IFFO2: variants seen among roughly 807,000 people sequenced by gnomAD.
IFFO2 encodes the protein intermediate filament family orphan 2.
Under a neutral mutation model 53.5 loss-of-function variants are expected in IFFO2, and 19 were observed. The observed-to-expected ratio is 0.36, with a 90% CI of 0.25 to 0.52. IFFO2 has a LOEUF of 0.52. IFFO2 is among the 20% of genes least tolerant of loss of function. IFFO2 has a pLI of 0.94. For synonymous variants in IFFO2, 303 were observed against 313.6 expected, an observed-to-expected ratio of 0.97 and a Z score of 0.36; for missense variants, 570 against 727.4, an observed-to-expected ratio of 0.78 and a Z score of 2.49.
intron 1 of IFFO2, among the ~76,000 whole-genome samples, chr1:18,950,277 G>A (rs1936643988): frequency 6.6e-6 from 1 of 152,220 alleles, no homozygotes; most frequent in Non-Finnish European, 1.5e-5. Context: ...GACATGCCCT[G>A]AAATGGACTT....
intron 1 of IFFO2, among the ~76,000 whole-genome samples, chr1:18,940,458 C>T (rs1446098854): frequency 6.6e-6 from 1 of 152,204 alleles, no homozygotes; most frequent in Non-Finnish European, 1.5e-5. Flanking sequence ...TCCCCAGATT[C>T]TGCAAGCTCC....
chr1:18,940,507 G>T (rs556093689), intron 1 of IFFO2, among the ~76,000 whole-genome samples: 15 of 152,256 alleles, frequency 9.9e-5, no homozygotes, highest in African/African-American at 3.6e-4. Flanking sequence ...CAAGCATAGG[G>T]ACTGAGCACC....
chr1:18,910,058 G>A lies in IFFO2; in HGVS notation c.1448+284C>T, dbSNP rs77315012. ...CTTGAGGGCAGGGGCTATACTTACT[G>A]GCCCCACCGTCTTGCACAGAGCAGG... On this transcript the variant is annotated intron_variant, in intron 8 of 8. Coordinates refer to ENST00000455833, the MANE Select transcript of IFFO2 (RefSeq NM_001136265.2). 9.5e-3 allele frequency among the ~76,000 whole-genome samples: 1,449 copies of A among 152,288 alleles called. 25 individuals are homozygous for A. Among genetic ancestry groups the A allele is most frequent in the East Asian group, 0.063 (328 of 5,186 alleles).
Position 18,941,189 on chromosome 1 carries a change from A to G in IFFO2, c.665+14479T>C, listed in dbSNP as rs143990029. Among the ~76,000 whole-genome samples, 917 of 152,328 alleles carry G rather than the reference A, an allele frequency of 6.0e-3. 10 individuals are homozygous for G. Among genetic ancestry groups the G allele is most frequent in the African/African-American group, 0.021 (870 of 41,586 alleles). On this transcript the variant is annotated intron_variant, in intron 1 of 8. Coordinates refer to ENST00000455833, the MANE Select transcript of IFFO2 (RefSeq NM_001136265.2). ...AGAACACATGTGTGCGGCTTCAAACACTGCAGTGGGCATACAGAGTGCTCT... is the reference window on the plus strand; with the variant it reads ...AGAACACATGTGTGCGGCTTCAAACGCTGCAGTGGGCATACAGAGTGCTCT...
At chr1:18,955,382 TA>T (rs1398049446) in intron 1 of IFFO2, among the ~76,000 whole-genome samples, 8 of 152,292 alleles carry the variant, frequency 5.3e-5, no homozygotes, top group Admixed American at 2.6e-4. Context: ...TGCTGAGAAT[TA>T]AATGAGATCG....
intron 2 of IFFO2, 129 bp downstream of exon 2, chr1:18,920,932 G>A (rs1168136105): frequency 4.0e-6 from 3 of 741,042 alleles, no homozygotes; most frequent in Non-Finnish European, 7.1e-6. Flanking sequence ...AGGAGAGACT[G>A]AGGTGGTAGG....
chr1:18,933,417 C>T (rs976656608), intron 1 of IFFO2, among the ~76,000 whole-genome samples: 9 of 152,206 alleles, frequency 5.9e-5, no homozygotes, highest in African/African-American at 2.2e-4. Context: ...CCTTCAGCAG[C>T]GACGTGGGTG....
At position 18,910,896 on chromosome 1, in the gene IFFO2, A is replaced by G. The variant is rs16862359; in HGVS notation, c.1318-424T>C. 9.5e-3 allele frequency among the ~76,000 whole-genome samples: 1,451 copies of G among 152,352 alleles called. 25 individuals carry two copies. Among genetic ancestry groups the G allele is most frequent in the East Asian group, 0.064 (329 of 5,174 alleles). On this transcript the variant is annotated intron_variant, in intron 7 of 8. Transcript: ENST00000455833. Reference sequence around the variant, plus strand: ...TTTCTCCTGCATAATAGCAATGACTATCGTTTATAGAAGTGATCACATGCA... The same window carrying G: ...TTTCTCCTGCATAATAGCAATGACTGTCGTTTATAGAAGTGATCACATGCA...
intron 1 of IFFO2, among the ~76,000 whole-genome samples, chr1:18,942,630 G>C (rs1404047328): frequency 6.6e-6 from 1 of 152,188 alleles, no homozygotes; most frequent in Non-Finnish European, 1.5e-5. Context: ...CGGGCCAACA[G>C]GAAACATGAA....
intron 1 of IFFO2, among the ~76,000 whole-genome samples, chr1:18,925,682 G>A (rs1936273211): frequency 6.6e-6 from 1 of 152,250 alleles, no homozygotes; most frequent in African/African-American, 2.4e-5. Flanking sequence ...TCATTCCTGT[G>A]CTTGCTACTG....
Position 18,916,872 on chromosome 1 carries a change from CGG to C in IFFO2, c.1103+29_1103+30del. ...CCCCTGTGCAAGCAATCCGGGGAAA[CGG>C]AGAGTGTGCGGGCCACGGGGATACT... On this transcript the variant is annotated intron_variant, in intron 5 of 8. Transcript: ENST00000455833. The surrounding 1 kb of genome is among the most constrained non-coding windows in gnomAD (Gnocchi z 4.3). 4 of 1,550,056 alleles carry C rather than the reference CGG, an allele frequency of 2.6e-6. No individual in the cohort carries two copies. Among genetic ancestry groups the C allele is most frequent in the Non-Finnish European group, 3.5e-6 (4 of 1,145,848 alleles).
At chr1:18,941,563 C>T (rs1162683834) in intron 1 of IFFO2, among the ~76,000 whole-genome samples, 1 of 152,238 alleles carries the variant, frequency 6.6e-6, no homozygotes, top group Non-Finnish European at 1.5e-5. Flanking sequence ...CTACCCATCG[C>T]CTACAGGGGC....
intron 5 of IFFO2, among the ~76,000 whole-genome samples, chr1:18,913,793 T>C (rs1181709678): frequency 6.6e-6 from 1 of 150,852 alleles, no homozygotes; most frequent in Non-Finnish European, 1.5e-5. Context: ...ATCAAAGTGA[T>C]CAGAGGTTTC....
At chr1:18,910,734 C>T (rs1300647532) in intron 7 of IFFO2, among the ~76,000 whole-genome samples, 1 of 152,222 alleles carries the variant, frequency 6.6e-6, no homozygotes, top group Non-Finnish European at 1.5e-5. Context: ...TGATGCACCC[C>T]ACCCGGTTCT....
rs545369973 is a variant in IFFO2 at position 18,928,186 on chromosome 1, G to C, written c.666-7065C>G. Reference sequence around the variant, plus strand: ...GCATGAAAGAGGCCCCCTCCTGCCTGCCCCAAGCCCCACCCCCTGGGGACA... The same window carrying C: ...GCATGAAAGAGGCCCCCTCCTGCCTCCCCCAAGCCCCACCCCCTGGGGACA... On this transcript the variant is annotated intron_variant, in intron 1 of 8. Transcript: ENST00000455833. This position sits in a 1 kb window ranked among gnomAD's most constrained non-coding sequence, Gnocchi z 4.9. Among the ~76,000 whole-genome samples, 1 of 152,148 alleles carries C rather than the reference G, an allele frequency of 6.6e-6. No individual in the cohort carries two copies. The highest frequency in any genetic ancestry group is 1.9e-4 in the East Asian group (1 of 5,150).
chr1:18,930,036 G>C (rs569187314), intron 1 of IFFO2, among the ~76,000 whole-genome samples: 2 of 152,148 alleles, frequency 1.3e-5, no homozygotes, highest in Non-Finnish European at 2.9e-5. Flanking sequence ...AGTGGAGAGG[G>C]GAGCAGGGAC....
At position 18,918,790 on chromosome 1, in the gene IFFO2, T is replaced by C. The variant is rs552934848; in HGVS notation, c.823-288A>G. On this transcript the variant is annotated intron_variant, in intron 3 of 8. Coordinates refer to ENST00000455833, the MANE Select transcript of IFFO2 (RefSeq NM_001136265.2). This position sits in a 1 kb window ranked among gnomAD's most constrained non-coding sequence, Gnocchi z 5.2. ...GCAGACACAGGGTCCGTGTTCACTT[T>C]GTTAGAGCGAAGAAAAAAGACAACT... Among the ~76,000 whole-genome samples, 45 of 152,170 alleles carry C rather than the reference T, an allele frequency of 3.0e-4. No homozygotes were observed. Among genetic ancestry groups the C allele is most frequent in the African/African-American group, 1.1e-3 (44 of 41,510 alleles).
Position 18,924,048 on chromosome 1 carries a change from G to A in IFFO2, c.666-2927C>T, listed in dbSNP as rs571709893. Among the ~76,000 whole-genome samples, 4 of 152,354 alleles carry A rather than the reference G, an allele frequency of 2.6e-5. No individual in the cohort carries two copies. In the East Asian group the frequency reaches 5.8e-4, roughly 22 times the overall value. ...GCAGCCGGCTGGCCTGCTCCCAGGAGGTTGAGGACAGACCCCGCATGTGGA... is the reference window on the plus strand; with the variant it reads ...GCAGCCGGCTGGCCTGCTCCCAGGAAGTTGAGGACAGACCCCGCATGTGGA... On this transcript the variant is annotated intron_variant, in intron 1 of 8. Transcript: ENST00000455833.
chr1:18,911,898 C>A (rs1390977139), intron 6 of IFFO2, 65 bp downstream of exon 6: 10 of 1,532,950 alleles, frequency 6.5e-6, no homozygotes, highest in Non-Finnish European at 8.8e-6. Flanking sequence ...GATGAGGGAC[C>A]ATTGAAAGGC....
Sources: gnomAD v4.1 joint callset for allele counts (sites outside exome capture counted in the v4.1 genomes callset) on GRCh38, gnomAD v4.1.1 for gene constraint, Gnocchi (gnomAD v3.1) non-coding constraint, MANE v1.5 for transcripts, NCBI Gene and HGNC (gene_info 2026-07-23, HGNC 2026-07-21) for gene names.